RNF123: variants seen among roughly 807,000 people sequenced by gnomAD.
The protein encoded by RNF123 is ring finger protein 123.
Under a neutral mutation model 168.5 loss-of-function variants are expected in RNF123, and 86 were observed. That is an observed-to-expected ratio of 0.51 (90% CI 0.43 to 0.61). The LOEUF is 0.61. Among genes scored for constraint, RNF123 ranks in the 20% least tolerant of loss-of-function variants. The pLI is 0.00. For synonymous variants in RNF123, 666 were observed against 689.1 expected, an observed-to-expected ratio of 0.97 and a Z score of 0.52; for missense variants, 1,419 against 1,729.7, an observed-to-expected ratio of 0.82 and a Z score of 3.19.
At chr3:49,719,651 T>TA in intron 35 of RNF123, 1 of 584,182 alleles carries the variant, frequency 1.7e-6, no homozygotes, top group Non-Finnish European at 3.1e-6. Flanking sequence ...GCGGCACTCT[T>TA]AGCCGCGCTC....
intron 35 of RNF123, chr3:49,719,181 G>A: frequency 6.2e-7 from 1 of 1,613,502 alleles, no homozygotes; most frequent in Non-Finnish European, 8.5e-7. Flanking sequence ...CATCTAGTTC[G>A]TTGTGGTCTA....
intron 37 of RNF123, 41 bp downstream of exon 37, chr3:49,720,935 A>G (rs1197158570): frequency 2.5e-6 from 4 of 1,610,780 alleles, no homozygotes; most frequent in African/African-American, 1.3e-5. Context: ...CCACTTGAAT[A>G]TGTGTGCACT....
intron 6 of RNF123, 22 bp from the exon 7 acceptor site, chr3:49,698,030 G>A (rs966437748): frequency 8.1e-6 from 13 of 1,613,490 alleles, no homozygotes; most frequent in Non-Finnish European, 1.1e-5. Flanking sequence ...CCACCTCGTG[G>A]CCCTAACTCA....
At chr3:49,720,383 AG>A in intron 35 of RNF123, 127 bp from the exon 36 acceptor site, 1 of 923,218 alleles carries the variant, frequency 1.1e-6, no homozygotes, top group Non-Finnish European at 1.5e-6. Flanking sequence ...TTTGGGAAGC[AG>A]GGAGACGGAA....
Position 49,695,983 on chromosome 3 carries a change from G to T in RNF123, c.168-1160G>T, listed in dbSNP as rs1445442284. Among the ~76,000 whole-genome samples, 6 of 152,200 alleles carry T rather than the reference G, an allele frequency of 3.9e-5. No individual in the cohort carries two copies. The South Asian group carries it at 1.0e-3, about 26-fold the overall frequency. ...TCATGTGCTCCGCTGACCATTTATGGACTGGCGGGTACAGGACAGAGCCAT... is the reference window on the plus strand; with the variant it reads ...TCATGTGCTCCGCTGACCATTTATGTACTGGCGGGTACAGGACAGAGCCAT... On this transcript the variant is annotated intron_variant, in intron 3 of 38. Coordinates refer to ENST00000327697, the MANE Select transcript of RNF123 (RefSeq NM_022064.5).
In RNF123 at chr3:49,707,797, A is replaced by G. The variant is rs571563772; in HGVS notation, c.2496+899A>G. On this transcript the variant is annotated intron_variant, in intron 26 of 38. Coordinates refer to ENST00000327697, the MANE Select transcript of RNF123 (RefSeq NM_022064.5). ...CCTGGATGACCGTGCTTACTGCCCC[A>G]TGACGGGAACTTCCTCTCCCTTCTG... 7.8e-4 allele frequency among the ~76,000 whole-genome samples: 119 copies of G among 151,950 alleles called. 3 individuals carry two copies. In the South Asian group the frequency reaches 0.017, roughly 21 times the overall value.
Position 49,705,565 on chromosome 3 carries a change from G to A in RNF123, c.2190G>A (p.Leu730=). The A allele has an allele frequency of 6.2e-7, 1 of 1,608,140 alleles. No homozygotes were observed. The stretch of plus-strand genomic sequence containing the variant: ...GCAGCCACTGGAATGAGGGCTTGCT[G>A]CTGGGGCGGCCCCCCGAGGAGCCTG... ...IEGSHWNEGL[L]LGRPPEEPEQ... Residue 730 remains leucine, a synonymous_variant, in exon 24 of 39, where the codon CTG becomes CTA. Coordinates refer to ENST00000327697, the MANE Select transcript of RNF123 (RefSeq NM_022064.5).
In RNF123 at chr3:49,721,336, C is replaced by T. The variant is rs1000848134; in HGVS notation, c.*31C>T. On this transcript the variant is annotated 3_prime_UTR_variant, in exon 39 of 39. Transcript: ENST00000327697. ...ACAGCCTGTGCCATCCTGGAACCTC[C>T]ACCTTTGAACCCAGAGCCAGGCTGG... 1 of 1,613,984 alleles carries T rather than the reference C, an allele frequency of 6.2e-7. No homozygotes were observed. The highest frequency in any genetic ancestry group is 1.3e-5 in the African/African-American group (1 of 74,936).
Position 49,712,593 on chromosome 3 carries a change from A to C in RNF123, c.2611A>C (p.Ile871Leu). The C allele has an allele frequency of 6.2e-7, 1 of 1,614,214 alleles. No individual in the cohort carries two copies. Among genetic ancestry groups the C allele is most frequent in the Non-Finnish European group, 8.5e-7 (1 of 1,180,028 alleles). The change falls in exon 27 of 39, where the codon ATC (isoleucine) becomes CTC (leucine). Residue 871 changes from isoleucine (I) to leucine (L), a missense_variant. By Grantham distance (5) the Ile-to-Leu change is conservative (BLOSUM62 2). Coordinates refer to ENST00000327697, the MANE Select transcript of RNF123 (RefSeq NM_022064.5). ...GCCCGAGTTCTACCTGAGCGTGGCC[A>C]TCAACAGCTACAGTGCTCTCAAGAA... ...FMPEFYLSVA[I>L]NSYSALKNYF...
rs1031744437 is a variant in RNF123, at chr3:49,713,338, C to A, written c.2675-175C>A. 3.6e-5 allele frequency: 23 copies of A among 637,948 alleles called. No individual in the cohort carries two copies. In the Admixed American group the frequency reaches 6.2e-4, roughly 17 times the overall value. The allele number at this position is 637,948 out of a possible 1,614,324, so 39.5% of individuals were successfully genotyped here. On this transcript the variant is annotated intron_variant, in intron 27 of 38. Coordinates refer to ENST00000327697, the MANE Select transcript of RNF123 (RefSeq NM_022064.5). ...CTTCACAGTGAGCCTGTGCCTTAGC[C>A]CTTGCACAGCCACCAATGAATGCTT... is the stretch of plus-strand genomic sequence containing the variant.
At chr3:49,712,340 A>T in intron 26 of RNF123, 139 bp from the exon 27 acceptor site, 3 of 749,676 alleles carry the variant, frequency 4.0e-6, no homozygotes, top group Non-Finnish European at 6.5e-6. Flanking sequence ...TGCTTGAGCT[A>T]CTGCTCATGC....
chr3:49,707,769 T>C (rs546528220), intron 26 of RNF123, among the ~76,000 whole-genome samples: 164 of 152,112 alleles, frequency 1.1e-3, no homozygotes, highest in Non-Finnish European at 2.1e-3. Flanking sequence ...ACTCTCCTGC[T>C]ACCCTGGATG....
At chr3:49,698,345 C>A in intron 7 of RNF123, 95 bp from the exon 8 acceptor site, 1 of 1,101,546 alleles carries the variant, frequency 9.1e-7, no homozygotes, top group Non-Finnish European at 1.4e-6. Flanking sequence ...CTGTTCCCTT[C>A]TGTAGAGCCA....
rs201729350 is a variant in RNF123 at position 49,698,987 on chromosome 3, G to A, written c.646G>A (p.Val216Ile). The part of the protein sequence containing the change: ...DGTLSFCLNG[V>I]SLGTAFENLS... Reference sequence around the variant, plus strand: ...ACCCACCCTTCTCCCCAGGAACGGTGTATCACTGGGCACTGCCTTTGAGAA... The same window carrying A: ...ACCCACCCTTCTCCCCAGGAACGGTATATCACTGGGCACTGCCTTTGAGAA... Residue 216 changes from valine (V) to isoleucine (I), a missense_variant, in exon 10 of 39, where the codon GTA becomes ATA. Transcript: ENST00000327697. 2.2e-5 allele frequency: 36 copies of A among 1,613,924 alleles called. No individual in the cohort carries two copies. In the Admixed American group the frequency reaches 4.8e-4, roughly 22 times the overall value.
chr3:49,719,076 G>A, intron 35 of RNF123: 1 of 1,613,780 alleles, frequency 6.2e-7, no homozygotes, highest in East Asian at 2.2e-5. Flanking sequence ...CCCCCAGCCC[G>A]TCGAGGTCGT....
At chr3:49,702,010 T>C in intron 17 of RNF123, 73 bp from the exon 18 acceptor site, 1 of 1,569,686 alleles carries the variant, frequency 6.4e-7, no homozygotes, top group Admixed American at 1.8e-5. Context: ...GGAACCCTGG[T>C]GGTGGAGCCC....
At chr3:49,708,776 T>C (rs997611315) in intron 26 of RNF123, among the ~76,000 whole-genome samples, 1 of 152,222 alleles carries the variant, frequency 6.6e-6, no homozygotes, top group African/African-American at 2.4e-5. Flanking sequence ...GGACACCACA[T>C]TTCATATATC....
At chr3:49,708,809 C>T (rs552732185) in intron 26 of RNF123, among the ~76,000 whole-genome samples, 5 of 152,262 alleles carry the variant, frequency 3.3e-5, no homozygotes, top group African/African-American at 4.8e-5. Context: ...GATGGACACT[C>T]GGGTTGCTTC....
chr3:49,700,289 C>T lies in RNF123; in HGVS notation c.1047C>T (p.Gly349=), dbSNP rs752689042. The change falls in exon 13 of 39, where the codon GGC becomes GGT. Residue 349 remains glycine, a synonymous_variant. Coordinates refer to ENST00000327697, the MANE Select transcript of RNF123 (RefSeq NM_022064.5). ...TCTTGCTGGGCATCGTGGAGAAGGG[C>T]ACACCCACACAGGCACAGTCCGTGG... ...MSFLLGIVEK[G]TPTQAQSVVH... is the part of the protein sequence containing the mutation. 1.2e-6 allele frequency: 2 copies of T among 1,614,230 alleles called. No individual in the cohort carries two copies. The highest frequency in any genetic ancestry group is 1.1e-5 in the South Asian group (1 of 91,088).
Sources: allele counts gnomAD v4.1 joint callset (sites outside exome capture counted in the v4.1 genomes callset), GRCh38; gene constraint gnomAD v4.1.1; transcripts MANE v1.5; gene names NCBI Gene and HGNC (gene_info 2026-07-23, HGNC 2026-07-21).